Variants in MPZL1 observed in about 807,000 individuals in gnomAD.
MPZL1 encodes the protein myelin protein zero-like protein 1.
Under a neutral mutation model 29.3 loss-of-function variants are expected in MPZL1, and 16 were observed. That is an observed-to-expected ratio of 0.55 (90% CI 0.37 to 0.83). MPZL1 has a LOEUF of 0.83. MPZL1 is among the 40% of genes least tolerant of loss of function. The probability of loss-of-function intolerance (pLI) is 0.00; values close to 1 mark genes in which losing one functional copy is unlikely to be tolerated. For synonymous variants in MPZL1, 143 were observed against 132.0 expected (o/e 1.08, Z -0.57); for missense variants, 279 against 332.9 (o/e 0.84, Z 1.26).
At chr1:167,750,522 T>C (rs1660734327) in intron 1 of MPZL1, among the ~76,000 whole-genome samples, 1 of 152,120 alleles carries the variant, frequency 6.6e-6, no homozygotes, top group African/African-American at 2.4e-5. Flanking sequence ...TTTCAGATGT[T>C]AACATTTTAT....
intron 4 of MPZL1, 75 bp from the exon 5 acceptor site, chr1:167,775,989 A>G (rs1661357533): frequency 7.9e-6 from 8 of 1,006,704 alleles, no homozygotes; most frequent in Non-Finnish European, 9.8e-6. Context: ...CGTCAGTTGC[A>G]TTTCTATATT....
chr1:167,742,128 A>G (rs1342252237), intron 1 of MPZL1, among the ~76,000 whole-genome samples: 3 of 151,960 alleles, frequency 2.0e-5, no homozygotes. Flanking sequence ...CCCCGTCTCT[A>G]CTAAAAATAG....
At chr1:167,750,255 C>G (rs1660728856) in intron 1 of MPZL1, among the ~76,000 whole-genome samples, 1 of 151,974 alleles carries the variant, frequency 6.6e-6, no homozygotes, top group Non-Finnish European at 1.5e-5. Flanking sequence ...GGCTGGAGTG[C>G]AATGCCGCGA....
At chr1:167,765,343 C>A in intron 1 of MPZL1, 1 of 240,930 alleles carries the variant, frequency 4.2e-6, no homozygotes, top group Non-Finnish European at 7.9e-6. Flanking sequence ...TCAATATAAC[C>A]AGACTAATAA....
intron 1 of MPZL1, among the ~76,000 whole-genome samples, chr1:167,754,558 A>G: frequency 6.6e-6 from 1 of 152,240 alleles, no homozygotes; most frequent in East Asian, 1.9e-4. Context: ...TGAGTAGAGC[A>G]CTGCCCTGGT....
Position 167,787,886 on chromosome 1 carries a change from G to A in MPZL1, c.775G>A (p.Glu259Lys). Residue 259 changes from glutamate (E) to lysine (K), a missense_variant, in exon 6 of 6, where the codon GAG becomes AAG. Coordinates refer to ENST00000359523, the MANE Select transcript of MPZL1 (RefSeq NM_003953.6). The part of the protein sequence containing the change: ...GHHSDKINKS[E>K]SVVYADIRKN Reference sequence around the variant, plus strand: ...TCACAGTGACAAGATTAACAAGTCAGAGTCTGTGGTGTATGCGGATATCCG... The same window carrying A: ...TCACAGTGACAAGATTAACAAGTCAAAGTCTGTGGTGTATGCGGATATCCG... 5 of 1,613,720 alleles carry A rather than the reference G, an allele frequency of 3.1e-6. No homozygotes were observed. The highest frequency in any genetic ancestry group is 4.2e-6 in the Non-Finnish European group (5 of 1,179,588).
At chr1:167,727,401 T>C (rs1401469309) in intron 1 of MPZL1, among the ~76,000 whole-genome samples, 1 of 152,240 alleles carries the variant, frequency 6.6e-6, no homozygotes, top group Non-Finnish European at 1.5e-5. Context: ...ATACATCTCA[T>C]GTGTACCTCA....
chr1:167,739,306 T>TAC (rs1193518874), intron 1 of MPZL1, among the ~76,000 whole-genome samples: 22 of 106,246 alleles, frequency 2.1e-4, no homozygotes, highest in Admixed American at 9.6e-4. Flanking sequence ...TATATATATA[T>TAC]ATACACATAT....
intron 1 of MPZL1, among the ~76,000 whole-genome samples, chr1:167,725,030 C>T (rs1207838017): frequency 1.3e-5 from 2 of 152,252 alleles, no homozygotes; most frequent in South Asian, 4.1e-4. Flanking sequence ...TTGAAATGAG[C>T]ACATAGTATA....
chr1:167,728,319 G>A (rs562717873), intron 1 of MPZL1, among the ~76,000 whole-genome samples: 7 of 150,220 alleles, frequency 4.7e-5, no homozygotes, highest in Admixed American at 2.0e-4. Flanking sequence ...GTGAGCCACC[G>A]TGCCCTGCCC....
chr1:167,777,483 G>A (rs1442469539), intron 5 of MPZL1, among the ~76,000 whole-genome samples: 2 of 152,182 alleles, frequency 1.3e-5, no homozygotes, highest in Non-Finnish European at 2.9e-5. Flanking sequence ...ACTGGGCCCA[G>A]CTGTCTCACT....
chr1:167,744,883 A>G (rs891843130), intron 1 of MPZL1, among the ~76,000 whole-genome samples: 19 of 152,270 alleles, frequency 1.2e-4, no homozygotes, highest in Non-Finnish European at 2.6e-4. Context: ...TTAAGAATAA[A>G]TGTTGTGCTT....
intron 5 of MPZL1, among the ~76,000 whole-genome samples, chr1:167,783,652 G>A (rs1482564048): frequency 1.3e-5 from 2 of 152,188 alleles, no homozygotes; most frequent in African/African-American, 4.8e-5. Flanking sequence ...AAGAAACTGA[G>A]GCTTAGTTAG....
At chr1:167,786,590 AT>A (rs1218704386) in intron 5 of MPZL1, among the ~76,000 whole-genome samples, 1 of 152,118 alleles carries the variant, frequency 6.6e-6, no homozygotes, top group Non-Finnish European at 1.5e-5. Context: ...CTCGAGTGTT[AT>A]TTTCTAACTC....
chr1:167,779,401 G>A (rs1013592863), intron 5 of MPZL1, among the ~76,000 whole-genome samples: 5 of 151,676 alleles, frequency 3.3e-5, no homozygotes, highest in African/African-American at 7.3e-5. Context: ...CCTGGCCAAC[G>A]TGGCAAAACC....
chr1:167,777,333 G>T (rs1661391275), intron 5 of MPZL1, among the ~76,000 whole-genome samples: 1 of 152,178 alleles, frequency 6.6e-6, no homozygotes. Flanking sequence ...AGAAACTGTG[G>T]TTTTCAAGAC....
intron 1 of MPZL1, among the ~76,000 whole-genome samples, chr1:167,738,086 C>T (rs530782939): frequency 2.0e-5 from 3 of 152,102 alleles, no homozygotes; most frequent in Admixed American, 2.0e-4. Flanking sequence ...CCACTGTGCC[C>T]GGCTAATTTT....
At chr1:167,749,668 A>T (rs1359792883) in intron 1 of MPZL1, among the ~76,000 whole-genome samples, 1 of 152,246 alleles carries the variant, frequency 6.6e-6, no homozygotes, top group African/African-American at 2.4e-5. Flanking sequence ...TCACAAAAAA[A>T]GAACTTCAGA....
intron 5 of MPZL1, among the ~76,000 whole-genome samples, chr1:167,783,933 G>C (rs545103027): frequency 6.6e-6 from 1 of 152,134 alleles, no homozygotes; most frequent in Admixed American, 6.6e-5. Context: ...TTAGTGATTC[G>C]TGCTAGGCTT....
Sources: gnomAD v4.1 joint callset for allele counts (sites outside exome capture counted in the v4.1 genomes callset) on GRCh38, gnomAD v4.1.1 for gene constraint, MANE v1.5 for transcripts, NCBI Gene and HGNC (gene_info 2026-07-23, HGNC 2026-07-21) for gene names.